DMD: variants seen among roughly 807,000 people sequenced by gnomAD.
DMD encodes the protein mutant dystrophin.
A neutral mutation model predicts 330.1 loss-of-function variants in DMD; 63 were observed. The ratio of observed to expected loss-of-function variants is 0.19; its 90% confidence interval spans 0.16 to 0.24. The LOEUF (loss-of-function observed/expected upper bound fraction) is 0.24. Ranked by LOEUF, DMD falls within the 10% of genes least tolerant of loss-of-function variation. The pLI is 1.00. For missense variants in DMD, 3,344 were observed against 2,684.1 expected (o/e 1.25, Z -5.43); for synonymous variants, 1,223 against 959.8 (o/e 1.27, Z -5.07).
Position 31,721,688 on chromosome X carries a change from C to CCATATATATATATA in DMD, c.7660+7942_7660+7943insTATATATATATATG, listed in dbSNP as rs1569292569. On this transcript the variant is annotated intron_variant, in intron 52 of 78. Coordinates refer to ENST00000357033, the MANE Select transcript of DMD (RefSeq NM_004006.3). The stretch of plus-strand genomic sequence containing the variant: ...TACCAATCTCTCTCTCTCTCTCACT[C>CCATATATATATATA]TCTCTCTCTCTCTCTCTCTCTCTCT... Among the ~76,000 whole-genome samples, 31 of 49,863 alleles carry CCATATATATATATA rather than the reference C, an allele frequency of 6.2e-4. 1 individual carries two copies. The highest frequency in any genetic ancestry group is 2.1e-3 in the South Asian group (2 of 966). 43.3% of individuals were successfully genotyped at this position (49,863 alleles called of 115,157 possible). A position where few individuals can be genotyped will look rare whatever the true frequency, so the allele number is the denominator to read the frequency against.
At chrX:32,952,245 C>G (rs112271205) in intron 2 of DMD, among the ~76,000 whole-genome samples, 10,399 of 109,572 alleles carry the variant, frequency 0.095, 947 homozygotes, top group African/African-American at 0.28. Flanking sequence ...GCGATTCTCC[C>G]GCCTCAGCTC....
chrX:32,321,271 A>T (rs1296876387), intron 41 of DMD, among the ~76,000 whole-genome samples: 1 of 111,133 alleles, frequency 9.0e-6, no homozygotes, highest in Non-Finnish European at 1.9e-5. Flanking sequence ...ATCACAACTA[A>T]CTGCTACAAT....
intron 59 of DMD, among the ~76,000 whole-genome samples, chrX:31,457,377 G>A (rs1241208476): frequency 9.0e-6 from 1 of 111,035 alleles, no homozygotes; most frequent in East Asian, 2.8e-4. Flanking sequence ...ACTATTATTG[G>A]GTACCTATTA....
intron 2 of DMD, among the ~76,000 whole-genome samples, chrX:33,012,870 C>T (rs1282592015): frequency 1.8e-5 from 2 of 111,007 alleles, no homozygotes; most frequent in Non-Finnish European, 3.8e-5. Flanking sequence ...GACCTAACCA[C>T]ACAAGTTGAG....
intron 9 of DMD, among the ~76,000 whole-genome samples, chrX:32,654,173 A>T (rs1339221081): frequency 9.0e-6 from 1 of 111,146 alleles, no homozygotes; most frequent in African/African-American, 3.3e-5. Flanking sequence ...CCTGGCCGGA[A>T]CTTCCAACAC....
intron 62 of DMD, among the ~76,000 whole-genome samples, chrX:31,287,033 T>C (rs1460384496): frequency 8.9e-6 from 1 of 112,566 alleles, no homozygotes; most frequent in Non-Finnish European, 1.9e-5. Flanking sequence ...CCAAAGCCTG[T>C]TGGGATTACA....
intron 9 of DMD, among the ~76,000 whole-genome samples, chrX:32,649,112 G>C (rs750210871): frequency 1.9e-5 from 2 of 106,598 alleles, no homozygotes; most frequent in African/African-American, 6.8e-5. Context: ...AAACGATTCT[G>C]TTTTTGTTTT....
At chrX:32,872,587 A>T (rs764108227) in intron 2 of DMD, among the ~76,000 whole-genome samples, 1 of 112,570 alleles carries the variant, frequency 8.9e-6, no homozygotes, top group Non-Finnish European at 1.9e-5. Flanking sequence ...CAACTGAAAA[A>T]GAATTTTAAG....
chrX:32,525,026 CTCT>C (rs1162678323), intron 17 of DMD, among the ~76,000 whole-genome samples: 6 of 111,930 alleles, frequency 5.4e-5, no homozygotes, highest in Middle Eastern at 8.5e-3. Context: ...TGAGTTTGGA[CTCT>C]TCTCACCTGT....
intron 62 of DMD, among the ~76,000 whole-genome samples, chrX:31,266,074 C>T (rs1443751012): frequency 2.1e-5 from 2 of 94,106 alleles, no homozygotes; most frequent in Non-Finnish European, 4.1e-5. Context: ...TTGGGAGTGA[C>T]AAACTTTGCT....
At chrX:31,243,347 T>G (rs2048536938) in intron 63 of DMD, among the ~76,000 whole-genome samples, 1 of 111,685 alleles carries the variant, frequency 9.0e-6, no homozygotes, top group Admixed American at 9.5e-5. Flanking sequence ...GGGTAGATAA[T>G]AGATCCACTA....
chrX:32,629,456 A>G (rs2058589882), intron 11 of DMD, among the ~76,000 whole-genome samples: 1 of 110,975 alleles, frequency 9.0e-6, no homozygotes, highest in African/African-American at 3.3e-5. Context: ...TGTCTTGTAT[A>G]TTCTTTTATC....
At chrX:32,893,573 T>G (rs1231257884) in intron 2 of DMD, among the ~76,000 whole-genome samples, 9 of 112,190 alleles carry the variant, frequency 8.0e-5, no homozygotes, top group Non-Finnish European at 1.7e-4. Context: ...TCAGAGGTGA[T>G]TAAATTTGCT....
In DMD at chrX:32,203,564, A is replaced by G. The variant is rs2097050543; in HGVS notation, c.6438+13352T>C. On this transcript the variant is annotated intron_variant, in intron 44 of 78. Transcript: ENST00000357033. The stretch of plus-strand genomic sequence containing the variant: ...TTGAGGGTATTCTGAAAGGGAGGCA[A>G]TTACTAAATCCTTGGCTATGATCTT... 2.7e-5 allele frequency among the ~76,000 whole-genome samples: 3 copies of G among 112,293 alleles called. No individual in the cohort carries two copies. The South Asian group carries it at 1.1e-3, about 41-fold the overall frequency.
intron 1 of DMD, among the ~76,000 whole-genome samples, chrX:33,257,433 A>G (rs1255151158): frequency 9.0e-6 from 1 of 110,901 alleles, no homozygotes; most frequent in Non-Finnish European, 1.9e-5. Context: ...TTTGTTAATA[A>G]GGAGAGTAAA....
At chrX:32,428,258 A>G (rs1244801128) in intron 29 of DMD, among the ~76,000 whole-genome samples, 2 of 111,762 alleles carry the variant, frequency 1.8e-5, no homozygotes, top group East Asian at 5.6e-4. Context: ...TTAACCATCC[A>G]TTTTGAATTC....
intron 6 of DMD, among the ~76,000 whole-genome samples, chrX:32,813,458 C>G (rs2077511251): frequency 9.0e-6 from 1 of 111,628 alleles, no homozygotes; most frequent in South Asian, 3.7e-4. Context: ...TACGTAACCT[C>G]TCTATGACTC....
intron 78 of DMD, among the ~76,000 whole-genome samples, chrX:31,123,839 A>C (rs2033204602): frequency 9.0e-6 from 1 of 111,242 alleles, no homozygotes. Context: ...AGGGGAGAAA[A>C]CTCATTTTTT....
chrX:31,997,810 C>A (rs1204082442), intron 44 of DMD, among the ~76,000 whole-genome samples: 1 of 111,465 alleles, frequency 9.0e-6, no homozygotes, highest in Non-Finnish European at 1.9e-5. Context: ...TATATTCTTC[C>A]TGCTTTTAAT....
Sources: gnomAD v4.1 joint callset for allele counts (sites outside exome capture counted in the v4.1 genomes callset) on GRCh38, gnomAD v4.1.1 for gene constraint, MANE v1.5 for transcripts, NCBI Gene and HGNC (gene_info 2026-07-23, HGNC 2026-07-21) for gene names.